CRYBG3: variants seen among roughly 807,000 people sequenced by gnomAD.
CRYBG3 encodes the protein crystallin beta-gamma domain containing 3.
CRYBG3 carries 127 observed loss-of-function variants against 244.2 expected under a neutral mutation model. The ratio of observed to expected loss-of-function variants is 0.52; its 90% CI spans 0.45 to 0.60. The LOEUF (loss-of-function observed/expected upper bound fraction) is 0.60, where lower values mean the gene tolerates loss of function less well. CRYBG3 is among the 20% of genes least tolerant of loss of function. CRYBG3 has a pLI of 0.00. For synonymous variants in CRYBG3, 1,132 were observed against 1,195.8 expected (o/e 0.95, Z 1.10); for missense variants, 3,325 against 3,442.5 (o/e 0.97, Z 0.85).
chr3:97,862,099 T>A (rs1215688526), intron 2 of CRYBG3, among the ~76,000 whole-genome samples: 11 of 151,712 alleles, frequency 7.3e-5, no homozygotes, highest in African/African-American at 2.7e-4. Flanking sequence ...AGTTTTTTTT[T>A]TAAAAAATTA....
At chr3:97,913,354 C>T (rs554318486) in intron 16 of CRYBG3, among the ~76,000 whole-genome samples, 1 of 152,236 alleles carries the variant, frequency 6.6e-6, no homozygotes, top group African/African-American at 2.4e-5. Context: ...CAGGGGTCAG[C>T]AAACTTTAAC....
chr3:97,866,364 G>T lies in CRYBG3; in HGVS notation c.647+1717G>T, dbSNP rs577559557. 5.9e-5 allele frequency among the ~76,000 whole-genome samples: 9 copies of T among 152,314 alleles called. 1 individual carries two copies. The highest frequency in any genetic ancestry group is 2.2e-4 in the African/African-American group (9 of 41,580). ...AACATATATTTGGAAACCAGTGTCC[G>T]ACAGCAGAAAAGTGGCTCAATTGTG... On this transcript the variant is annotated intron_variant, in intron 3 of 21. Transcript: ENST00000389622.
chr3:97,928,511 A>G (rs900945990), intron 17 of CRYBG3, among the ~76,000 whole-genome samples: 1 of 151,890 alleles, frequency 6.6e-6, no homozygotes, highest in Non-Finnish European at 1.5e-5. Context: ...GTGACATGCA[A>G]TTTATCCATG....
chr3:97,832,373 A>G (rs1308080880), intron 1 of CRYBG3, among the ~76,000 whole-genome samples: 2 of 152,152 alleles, frequency 1.3e-5, no homozygotes, highest in East Asian at 3.8e-4. Flanking sequence ...AAACAGATAC[A>G]TAGACCAATG....
intron 15 of CRYBG3, among the ~76,000 whole-genome samples, chr3:97,903,014 G>A (rs1055898318): frequency 1.7e-4 from 26 of 152,202 alleles, no homozygotes; most frequent in African/African-American, 6.0e-4. Context: ...ATTCTAACCA[G>A]TTCTCCCCTT....
chr3:97,916,676 C>T (rs1039200881), intron 17 of CRYBG3, among the ~76,000 whole-genome samples: 1 of 152,126 alleles, frequency 6.6e-6, no homozygotes, highest in Admixed American at 6.6e-5. Flanking sequence ...AATAGCCATA[C>T]TCAGGATCTT....
chr3:97,908,680 A>T (rs528903667), intron 15 of CRYBG3, among the ~76,000 whole-genome samples: 1 of 152,200 alleles, frequency 6.6e-6, no homozygotes, highest in Non-Finnish European at 1.5e-5. Flanking sequence ...CAGCACACTG[A>T]TGGGTCTTGA....
chr3:97,873,483 T>A lies in CRYBG3; in HGVS notation c.2289T>A (p.Phe763Leu). 6.5e-7 allele frequency: 1 copy of A among 1,535,982 alleles called. No homozygotes were observed. Among genetic ancestry groups the A allele is most frequent in the Non-Finnish European group, 8.7e-7 (1 of 1,146,824 alleles). Residue 763 changes from phenylalanine (F) to leucine (L), a missense_variant, in exon 4 of 22, where the codon TTT becomes TTA. Transcript: ENST00000389622. The stretch of plus-strand genomic sequence containing the variant: ...TAACTGGGTTGGAGCTATTGAGCTT[T>A]GACTCTGGAAACCTCTCTAAGGATT... ...PHLTGLELLS[F>L]DSGNLSKDCS...
intron 4 of CRYBG3, among the ~76,000 whole-genome samples, chr3:97,878,523 C>T (rs1014586174): frequency 2.6e-5 from 4 of 152,142 alleles, no homozygotes; most frequent in African/African-American, 9.7e-5. Context: ...TGTATTTTAG[C>T]TGGACTACTT....
At chr3:97,880,919 G>A (rs554494159) in intron 6 of CRYBG3, among the ~76,000 whole-genome samples, 153 bp from the exon 7 acceptor site, 1 of 152,186 alleles carries the variant, frequency 6.6e-6, no homozygotes, top group East Asian at 1.9e-4. Flanking sequence ...ACTTAAATTA[G>A]CATATATCAT....
rs1432010583 is a variant in CRYBG3, at chr3:97,904,783, C to A, written c.8004+4298C>A. Among the ~76,000 whole-genome samples, 3 of 146,322 alleles carry A rather than the reference C, an allele frequency of 2.1e-5. No individual in the cohort carries two copies. The East Asian group carries it at 6.0e-4, about 29-fold the overall frequency. On this transcript the variant is annotated intron_variant, in intron 15 of 21. Coordinates refer to ENST00000389622, the MANE Select transcript of CRYBG3 (RefSeq NM_153605.4). ...TTTAAGTTTTAGGGTACATGTGCACCTTGTGCAGGTTAGTTACATATGTAT... is the reference window on the plus strand; with the variant it reads ...TTTAAGTTTTAGGGTACATGTGCACATTGTGCAGGTTAGTTACATATGTAT...
At chr3:97,918,063 G>A (rs1441372784) in intron 17 of CRYBG3, among the ~76,000 whole-genome samples, 1 of 152,136 alleles carries the variant, frequency 6.6e-6, no homozygotes, top group African/African-American at 2.4e-5. Flanking sequence ...TTCATTCCAG[G>A]AAATGTTTCT....
chr3:97,890,030 A>G (rs934960155), intron 10 of CRYBG3, among the ~76,000 whole-genome samples: 1 of 152,184 alleles, frequency 6.6e-6, no homozygotes, highest in African/African-American at 2.4e-5. Context: ...CAGGTATGGA[A>G]GCAGGGATTC....
chr3:97,934,508 TA>T (rs1339582098), intron 18 of CRYBG3, among the ~76,000 whole-genome samples: 2 of 151,866 alleles, frequency 1.3e-5, no homozygotes, highest in East Asian at 3.9e-4. Context: ...AAAAGTCAAC[TA>T]AAAAAACACA....
At chr3:97,897,394 C>G (rs538977164) in intron 12 of CRYBG3, among the ~76,000 whole-genome samples, 1 of 152,154 alleles carries the variant, frequency 6.6e-6, no homozygotes, top group East Asian at 1.9e-4. Context: ...GTAGGGAGTA[C>G]TGTACCTGAG....
chr3:97,881,107 A>C lies in CRYBG3; in HGVS notation c.7040A>C (p.Gln2347Pro). 1 of 1,606,988 alleles carries C rather than the reference A, an allele frequency of 6.2e-7. No homozygotes were observed. Among genetic ancestry groups the C allele is most frequent in the Non-Finnish European group, 8.5e-7 (1 of 1,177,122 alleles). Residue 2347 changes from glutamine to proline, a missense_variant, in exon 7 of 22, where the codon CAG becomes CCG. Transcript: ENST00000389622. ...ILYEKPHFRG[Q>P]KCVLEEGEKV... ...TATGAGAAACCACATTTCCGAGGTCAGAAATGTGTGCTAGAAGAAGGGGAA... is the reference window on the plus strand; with the variant it reads ...TATGAGAAACCACATTTCCGAGGTCCGAAATGTGTGCTAGAAGAAGGGGAA...
intron 2 of CRYBG3, among the ~76,000 whole-genome samples, chr3:97,846,320 T>C (rs2135441): frequency 0.44 from 67,588 of 152,028 alleles, 16,247 homozygotes; most frequent in East Asian, 0.67. Context: ...TACTTTTTCA[T>C]GAAGATGTTT....
chr3:97,936,880 C>A lies in CRYBG3; in HGVS notation c.8477C>A (p.Thr2826Lys). The A allele has an allele frequency of 6.2e-7, 1 of 1,612,954 alleles. No individual in the cohort carries two copies. The highest frequency in any genetic ancestry group is 8.5e-7 in the Non-Finnish European group (1 of 1,179,344). Residue 2826 changes from threonine to lysine, a missense_variant, in exon 19 of 22, where the codon ACA becomes AAA. Thr to Lys is a moderately conservative substitution (Grantham distance 78). Coordinates refer to ENST00000389622, the MANE Select transcript of CRYBG3 (RefSeq NM_153605.4). ...PNWTAFSRWKTIGSLRPMKQP... is the reference protein window; with the variant it reads ...PNWTAFSRWKKIGSLRPMKQP... ...TGGACAGCATTCAGCAGATGGAAAA[C>A]AATTGGTTCCCTCCGTCCTATGAAG...
intron 2 of CRYBG3, among the ~76,000 whole-genome samples, chr3:97,853,034 T>G (rs1484373436): frequency 6.6e-6 from 1 of 152,148 alleles, no homozygotes; most frequent in African/African-American, 2.4e-5. Flanking sequence ...TTTTAATAGT[T>G]TAGTAGCACA....
Sources: gnomAD v4.1 joint callset for allele counts (sites outside exome capture counted in the v4.1 genomes callset) on GRCh38, gnomAD v4.1.1 for gene constraint, MANE v1.5 for transcripts, NCBI Gene and HGNC (gene_info 2026-07-23, HGNC 2026-07-21) for gene names.